The following PCDH15 variants were observed in gnomAD, a reference collection of about 807,000 sequenced individuals.
The protein encoded by PCDH15 is protocadherin related 15, also known as protocadherin-15.
A neutral mutation model predicts 178.5 loss-of-function variants in PCDH15; 129 were observed. The observed-to-expected ratio is 0.72, with a 90% CI of 0.63 to 0.84. The LOEUF is 0.84. Ranked by LOEUF, PCDH15 falls within the 40% of genes least tolerant of loss-of-function variation. The probability of loss-of-function intolerance (pLI) is 0.00; values close to 1 mark genes in which losing one functional copy is unlikely to be tolerated. For missense variants in PCDH15, 2,230 were observed against 2,099.9 expected, an observed-to-expected ratio of 1.06 and a Z score of -1.21; for synonymous variants, 800 against 732.0, an observed-to-expected ratio of 1.09 and a Z score of -1.50.
intron 20 of PCDH15, among the ~76,000 whole-genome samples, chr10:54,015,877 A>G (rs184698160): frequency 0.022 from 1,421 of 65,982 alleles, 16 homozygotes; most frequent in African/African-American, 0.075. Context: ...AGCAATTTTA[A>G]CAACAGCAAA....
intron 2 of PCDH15, among the ~76,000 whole-genome samples, chr10:54,612,344 A>T (rs1173057966): frequency 1.3e-5 from 2 of 151,890 alleles, no homozygotes; most frequent in African/African-American, 2.4e-5. Flanking sequence ...ACAGAGTGGC[A>T]TGAAAAGGTT....
Position 53,900,856 on chromosome 10 carries a change from C to T in PCDH15, c.3501+2387G>A, listed in dbSNP as rs368869599. Reference sequence around the variant, plus strand: ...ACCCACTAAATTTCCTTGTTATAGTCATCACATGCCTTTTGAGTAATCTCC... The same window carrying T: ...ACCCACTAAATTTCCTTGTTATAGTTATCACATGCCTTTTGAGTAATCTCC... On this transcript the variant is annotated intron_variant, in intron 26 of 37. Transcript: ENST00000644397. 4.6e-5 allele frequency among the ~76,000 whole-genome samples: 7 copies of T among 152,266 alleles called. No individual in the cohort carries two copies. The East Asian group carries it at 1.4e-3, about 29-fold the overall frequency.
At chr10:54,178,633 G>A (rs536434123) in intron 13 of PCDH15, among the ~76,000 whole-genome samples, 1 of 152,032 alleles carries the variant, frequency 6.6e-6, no homozygotes, top group Non-Finnish European at 1.5e-5. Context: ...AAAGAAGTGG[G>A]GTGAGGATCA....
chr10:54,872,172 T>C (rs1954051175), intron 3 of PCDH15, among the ~76,000 whole-genome samples: 1 of 151,990 alleles, frequency 6.6e-6, no homozygotes, highest in Admixed American at 6.6e-5. Flanking sequence ...TATGTATTTA[T>C]TATTTTTAAT....
intron 1 of PCDH15, among the ~76,000 whole-genome samples, chr10:55,283,921 T>C (rs919964723): frequency 6.6e-6 from 1 of 152,134 alleles, no homozygotes; most frequent in Non-Finnish European, 1.5e-5. Flanking sequence ...TTTGAATGTC[T>C]ATTACTATTT....
intron 5 of PCDH15, among the ~76,000 whole-genome samples, chr10:54,359,874 A>T (rs1589026667): frequency 6.6e-6 from 1 of 152,258 alleles, no homozygotes; most frequent in Non-Finnish European, 1.5e-5. Context: ...TAATTGATGC[A>T]GTAGGTATTG....
chr10:53,911,125 C>A (rs1387642341), intron 25 of PCDH15, among the ~76,000 whole-genome samples: 1 of 152,146 alleles, frequency 6.6e-6, no homozygotes, highest in Non-Finnish European at 1.5e-5. Flanking sequence ...CTCAACCTAG[C>A]AAGGCAGGCC....
At chr10:53,958,206 T>C (rs893622917) in intron 23 of PCDH15, among the ~76,000 whole-genome samples, 12 of 152,214 alleles carry the variant, frequency 7.9e-5, no homozygotes, top group Non-Finnish European at 1.3e-4. Context: ...ATATTCATTT[T>C]TCATTATCCT....
intron 1 of PCDH15, among the ~76,000 whole-genome samples, chr10:55,290,591 T>A (rs1026986818): frequency 6.6e-6 from 1 of 152,142 alleles, no homozygotes; most frequent in African/African-American, 2.4e-5. Flanking sequence ...CTCTTTAATA[T>A]ACATAATACC....
At chr10:54,171,327 T>C (rs550907018) in intron 13 of PCDH15, among the ~76,000 whole-genome samples, 45 of 152,316 alleles carry the variant, frequency 3.0e-4, no homozygotes, top group African/African-American at 9.9e-4. Flanking sequence ...TAAAAAGGAC[T>C]GGACAATACT....
intron 15 of PCDH15, among the ~76,000 whole-genome samples, chr10:54,116,464 T>C (rs1350634093): frequency 6.6e-6 from 1 of 152,204 alleles, no homozygotes; most frequent in Admixed American, 6.5e-5. Context: ...TTGTGTTCAA[T>C]TGCAAGATAT....
intron 2 of PCDH15, among the ~76,000 whole-genome samples, chr10:55,106,483 T>G (rs1842677180): frequency 6.6e-6 from 1 of 152,180 alleles, no homozygotes; most frequent in South Asian, 2.1e-4. Context: ...GCGCACGATC[T>G]CAGCTCACTG....
intron 2 of PCDH15, among the ~76,000 whole-genome samples, chr10:55,044,994 C>T (rs936765262): frequency 3.9e-5 from 6 of 152,046 alleles, no homozygotes; most frequent in African/African-American, 1.2e-4. Flanking sequence ...TTACCTGACC[C>T]GTATCTAAGC....
intron 5 of PCDH15, among the ~76,000 whole-genome samples, chr10:54,354,631 A>T (rs763453542): frequency 6.6e-6 from 1 of 152,186 alleles, no homozygotes; most frequent in Non-Finnish European, 1.5e-5. Context: ...TGAAAAGTTG[A>T]AGATATCGAG....
At chr10:55,146,195 T>C (rs1445839039) in intron 2 of PCDH15, among the ~76,000 whole-genome samples, 2 of 152,042 alleles carry the variant, frequency 1.3e-5, no homozygotes, top group Non-Finnish European at 2.9e-5. Context: ...AACAGCCCTA[T>C]AACTTAGATT....
At chr10:54,273,907 G>A (rs376026575) in intron 8 of PCDH15, among the ~76,000 whole-genome samples, 6 of 152,124 alleles carry the variant, frequency 3.9e-5, no homozygotes, top group East Asian at 3.9e-4. Context: ...AGTGGTCTGC[G>A]GGATAAAGAA....
intron 1 of PCDH15, among the ~76,000 whole-genome samples, chr10:54,762,087 C>A (rs1044236901): frequency 6.6e-6 from 1 of 152,140 alleles, no homozygotes; most frequent in African/African-American, 2.4e-5. Context: ...TACTCTCCAA[C>A]TAATTTAACC....
At chr10:55,277,996 G>C (rs967022563) in intron 1 of PCDH15, among the ~76,000 whole-genome samples, 16 of 152,046 alleles carry the variant, frequency 1.1e-4, no homozygotes, top group African/African-American at 3.9e-4. Context: ...ATCATGTTCA[G>C]AATATAATTT....
At chr10:54,761,359 G>C (rs1403904915) in intron 1 of PCDH15, among the ~76,000 whole-genome samples, 4 of 152,022 alleles carry the variant, frequency 2.6e-5, no homozygotes, top group Non-Finnish European at 4.4e-5. Context: ...CTGAAGCTAG[G>C]CTATCAGGTT....
Sources: gnomAD v4.1 joint callset for allele counts (sites outside exome capture counted in the v4.1 genomes callset) on GRCh38, gnomAD v4.1.1 for gene constraint, MANE v1.5 for transcripts, NCBI Gene and HGNC (gene_info 2026-07-23, HGNC 2026-07-21) for gene names.